The following NSMCE2 variants were observed in gnomAD, a reference collection of about 807,000 sequenced individuals.
NSMCE2 encodes the protein E3 SUMO-protein ligase NSE2.
In NSMCE2, 24 loss-of-function variants were observed where a neutral mutation model predicts 23.8. That is an observed-to-expected ratio of 1.01 (90% CI 0.73 to 1.42). NSMCE2 has a LOEUF of 1.42. NSMCE2 is among the 40% of genes most tolerant of loss of function. The probability of loss-of-function intolerance (pLI) is 0.00; values close to 1 mark genes in which losing one functional copy is unlikely to be tolerated. For missense variants in NSMCE2, 284 were observed against 296.5 expected, an observed-to-expected ratio of 0.96 and a Z score of 0.31; for synonymous variants, 92 against 94.1, an observed-to-expected ratio of 0.98 and a Z score of 0.13.
chr8:125,168,333 G>A (rs964327458), intron 4 of NSMCE2, among the ~76,000 whole-genome samples: 1 of 152,332 alleles, frequency 6.6e-6, no homozygotes, highest in African/African-American at 2.4e-5. Context: ...GAAACACTGG[G>A]AGGAGGATGG....
intron 5 of NSMCE2, among the ~76,000 whole-genome samples, chr8:125,211,039 A>T (rs1281222551): frequency 6.6e-6 from 1 of 152,028 alleles, no homozygotes; most frequent in East Asian, 1.9e-4. Context: ...GGCCTCCCAG[A>T]TTGATTTCAT....
chr8:125,318,670 A>AG (rs913231500), intron 5 of NSMCE2, among the ~76,000 whole-genome samples: 95 of 152,234 alleles, frequency 6.2e-4, no homozygotes, highest in African/African-American at 2.2e-3. Flanking sequence ...AAAATAACAG[A>AG]GAAAAAAAAA....
chr8:125,358,104 G>T (rs1813363761), intron 7 of NSMCE2, among the ~76,000 whole-genome samples: 1 of 152,126 alleles, frequency 6.6e-6, no homozygotes. Context: ...AAGCCGAGGT[G>T]GGCAGATCAC....
At chr8:125,182,056 CTAT>C (rs777885859) in intron 4 of NSMCE2, 44 bp from the exon 5 acceptor site, 4 of 1,378,382 alleles carry the variant, frequency 2.9e-6, no homozygotes, top group East Asian at 4.6e-5. Flanking sequence ...TTTGTTAACA[CTAT>C]TATTATTAAC....
At chr8:125,312,670 A>G (rs1829016286) in intron 5 of NSMCE2, among the ~76,000 whole-genome samples, 1 of 152,206 alleles carries the variant, frequency 6.6e-6, no homozygotes. Context: ...TTGCATCTGC[A>G]GTGCCACTAG....
intron 5 of NSMCE2, among the ~76,000 whole-genome samples, chr8:125,322,953 G>A (rs1239347991): frequency 6.6e-6 from 1 of 152,186 alleles, no homozygotes; most frequent in African/African-American, 2.4e-5. Flanking sequence ...CACCTACTTG[G>A]GAGGCTGAGG....
At chr8:125,222,210 T>C (rs1451022262) in intron 5 of NSMCE2, among the ~76,000 whole-genome samples, 1 of 152,062 alleles carries the variant, frequency 6.6e-6, no homozygotes, top group African/African-American at 2.4e-5. Flanking sequence ...AGGATGTCAT[T>C]GCCTTAAAGT....
At chr8:125,320,375 C>G (rs149794458) in intron 5 of NSMCE2, among the ~76,000 whole-genome samples, 1,929 of 151,832 alleles carry the variant, frequency 0.013, 14 homozygotes, top group Middle Eastern at 0.021. Context: ...TGTGAACCCA[C>G]AGTTTTCAGA....
chr8:125,166,983 C>T (rs910879790), intron 4 of NSMCE2, among the ~76,000 whole-genome samples: 3 of 152,186 alleles, frequency 2.0e-5, no homozygotes, highest in Admixed American at 6.5e-5. Flanking sequence ...GCACTCCAGC[C>T]TGGGTGACAG....
intron 5 of NSMCE2, among the ~76,000 whole-genome samples, chr8:125,207,298 A>G (rs991372267): frequency 2.0e-5 from 3 of 152,160 alleles, no homozygotes; most frequent in African/African-American, 7.2e-5. Context: ...TTTTATAAGC[A>G]GGAAACACAC....
At chr8:125,168,825 T>A (rs2130757336) in intron 4 of NSMCE2, among the ~76,000 whole-genome samples, 1 of 152,364 alleles carries the variant, frequency 6.6e-6, no homozygotes, top group Non-Finnish European at 1.5e-5. Flanking sequence ...TTGGCCTGCC[T>A]GTCTGACAAA....
intron 5 of NSMCE2, among the ~76,000 whole-genome samples, chr8:125,283,525 A>T (rs974042024): frequency 6.6e-6 from 1 of 152,228 alleles, no homozygotes; most frequent in African/African-American, 2.4e-5. Context: ...CAAAAAAATT[A>T]AAAAAGAATC....
At chr8:125,344,568 C>T (rs1830366022) in intron 5 of NSMCE2, among the ~76,000 whole-genome samples, 1 of 151,938 alleles carries the variant, frequency 6.6e-6, no homozygotes, top group Non-Finnish European at 1.5e-5. Flanking sequence ...CATGGTGAAA[C>T]CCCGTCTCTA....
At chr8:125,191,419 A>T (rs78209476) in intron 5 of NSMCE2, among the ~76,000 whole-genome samples, 3 of 152,078 alleles carry the variant, frequency 2.0e-5, no homozygotes, top group Non-Finnish European at 4.4e-5. Context: ...GAAAAAAAAA[A>T]TTGACTTTTA....
rs530018644 is a variant in NSMCE2, at chr8:125,146,676, C to T, written c.158-4495C>T. Among the ~76,000 whole-genome samples, 4 of 152,216 alleles carry T rather than the reference C, an allele frequency of 2.6e-5. No homozygotes were observed. In the South Asian group the frequency reaches 8.3e-4, roughly 32 times the overall value. The stretch of plus-strand genomic sequence containing the variant: ...AAACCAAACACCGCATGTTCTCACT[C>T]ATAGGTGGGAATTGAACAATGAGAA... On this transcript the variant is annotated intron_variant, in intron 3 of 7. Transcript: ENST00000287437.
At chr8:125,105,701 C>T (rs975720041) in intron 3 of NSMCE2, among the ~76,000 whole-genome samples, 5 of 151,996 alleles carry the variant, frequency 3.3e-5, no homozygotes, top group Non-Finnish European at 5.9e-5. Flanking sequence ...ATAGATGGTA[C>T]GTAAATGAAT....
At chr8:125,363,778 TA>T (rs1398734730) in intron 7 of NSMCE2, among the ~76,000 whole-genome samples, 2 of 152,114 alleles carry the variant, frequency 1.3e-5, no homozygotes, top group Non-Finnish European at 2.9e-5. Flanking sequence ...TACAGATTTT[TA>T]AACTAGTGTA....
chr8:125,232,472 T>G (rs79069463), intron 5 of NSMCE2, among the ~76,000 whole-genome samples: 3,279 of 152,312 alleles, frequency 0.022, 126 homozygotes, highest in African/African-American at 0.075. Flanking sequence ...CTTCAGGTGC[T>G]TTTAGAATCT....
chr8:125,217,534 T>C (rs1442471849), intron 5 of NSMCE2, among the ~76,000 whole-genome samples: 1 of 151,940 alleles, frequency 6.6e-6, no homozygotes, highest in Non-Finnish European at 1.5e-5. Context: ...CTAATTTTGT[T>C]TTTTTGTATT....
Sources: gnomAD v4.1 joint callset for allele counts (sites outside exome capture counted in the v4.1 genomes callset) on GRCh38, gnomAD v4.1.1 for gene constraint, MANE v1.5 for transcripts, NCBI Gene and HGNC (gene_info 2026-07-23, HGNC 2026-07-21) for gene names.